Variants in MAP3K6 observed in about 807,000 individuals in gnomAD.
MAP3K6 encodes the protein apoptosis signal-regulating kinase 2.
A neutral mutation model predicts 147.1 loss-of-function variants in MAP3K6; 105 were observed. The ratio of observed to expected loss-of-function variants is 0.71; its 90% confidence interval spans 0.61 to 0.84. The LOEUF (loss-of-function observed/expected upper bound fraction) is 0.84. MAP3K6 is among the 40% of genes least tolerant of loss of function. The pLI is 0.00. For missense variants in MAP3K6, 1,569 were observed against 1,715.0 expected, an observed-to-expected ratio of 0.91 and a Z score of 1.50; for synonymous variants, 695 against 732.4, an observed-to-expected ratio of 0.95 and a Z score of 0.82.
At position 27,355,907 on chromosome 1, in the gene MAP3K6, G is replaced by A. The variant is rs907659533; in HGVS notation, c.3711+119C>T. On this transcript the variant is annotated intron_variant, in intron 27 of 28. Coordinates refer to ENST00000357582, the MANE Select transcript of MAP3K6 (RefSeq NM_004672.5). ...CCATACAATGGGACGAGAATACTAA[G>A]TGTTCTTCTGGTAGTGAGATTCTCT... 9 of 1,139,662 alleles carry A rather than the reference G, an allele frequency of 7.9e-6. No homozygotes were observed. The Admixed American group carries it at 1.2e-4, about 15-fold the overall frequency. The allele number at this position is 1,139,662 out of a possible 1,614,324, so 70.6% of individuals were successfully genotyped here.
intron 28 of MAP3K6, 25 bp downstream of exon 28, chr1:27,355,644 C>G (rs1341003245): frequency 4.3e-6 from 7 of 1,612,632 alleles, no homozygotes; most frequent in Non-Finnish European, 5.9e-6. Flanking sequence ...ATGCATGGTT[C>G]ACACTTGGGG....
chr1:27,355,359 C>G lies in MAP3K6; in HGVS notation c.*32G>C, dbSNP rs773239731. 6.3e-7 allele frequency: 1 copy of G among 1,586,050 alleles called. No homozygotes were observed. Among genetic ancestry groups the G allele is most frequent in the East Asian group, 2.2e-5 (1 of 44,746 alleles). On this transcript the variant is annotated 3_prime_UTR_variant, in exon 29 of 29. Transcript: ENST00000357582. ...TCCTCTCCATTCATCCATCCTTGGG[C>G]CTGTCTGGCCTATGATGCCCTCATT... is the stretch of plus-strand genomic sequence containing the variant.
chr1:27,359,091 C>A lies in MAP3K6; in HGVS notation c.2426-225G>T, dbSNP rs1303163011. 6.6e-6 allele frequency among the ~76,000 whole-genome samples: 1 copy of A among 152,190 alleles called. No homozygotes were observed. Among genetic ancestry groups the A allele is most frequent in the Non-Finnish European group, 1.5e-5 (1 of 68,026 alleles). The stretch of plus-strand genomic sequence containing the variant: ...CCGTCATTCATCCTGGGCTCCACCA[C>A]ATTCACAGACTCCATCACCCACAGT... On this transcript the variant is annotated intron_variant, in intron 18 of 28. Coordinates refer to ENST00000357582, the MANE Select transcript of MAP3K6 (RefSeq NM_004672.5). This position sits in a 1 kb window ranked among gnomAD's most constrained non-coding sequence, Gnocchi z 4.4.
At position 27,359,919 on chromosome 1, in the gene MAP3K6, C is replaced by T. The variant is rs1226535427; in HGVS notation, c.2258G>A (p.Arg753His). 1 of 1,614,138 alleles carries T rather than the reference C, an allele frequency of 6.2e-7. No homozygotes were observed. Among genetic ancestry groups the T allele is most frequent in the Non-Finnish European group, 8.5e-7 (1 of 1,180,010 alleles). The part of the protein sequence containing the change: ...DNESTISFYT[R>H]QILQGLGYLH... ...GTAGCCAAGTCCCTGCAGGATCTGG[C>T]GGGTGTAGAAACTGATGGTGCTCTC... The change falls in exon 17 of 29, where the codon CGC (arginine) becomes CAC (histidine). Residue 753 changes from arginine (R) to histidine (H), a missense_variant. By Grantham distance (29) the Arg-to-His change is conservative. Coordinates refer to ENST00000357582, the MANE Select transcript of MAP3K6 (RefSeq NM_004672.5). The surrounding 1 kb of genome is among the most constrained non-coding windows in gnomAD (Gnocchi z 4.4).
At position 27,360,014 on chromosome 1, in the gene MAP3K6, G is replaced by A; in HGVS notation, c.2183-20C>T. ...GGCTGCCTGGGTGGGGACAGTCCAA[G>A]TTCATTCTTCCCACCCACTGGCTCC... On this transcript the variant is annotated intron_variant, in intron 16 of 28. Transcript: ENST00000357582. This position sits in a 1 kb window ranked among gnomAD's most constrained non-coding sequence, Gnocchi z 4.5. 2.5e-6 allele frequency: 4 copies of A among 1,613,380 alleles called. No individual in the cohort carries two copies. The highest frequency in any genetic ancestry group is 2.5e-6 in the Non-Finnish European group (3 of 1,179,662).
intron 1 of MAP3K6, among the ~76,000 whole-genome samples, chr1:27,365,898 C>T (rs113218455): frequency 1.3e-5 from 2 of 151,726 alleles, no homozygotes; most frequent in African/African-American, 4.8e-5. Flanking sequence ...GTTCTCCAAC[C>T]CCACCCCTGA....
intron 26 of MAP3K6, 87 bp downstream of exon 26, chr1:27,356,301 C>T: frequency 7.6e-7 from 1 of 1,319,276 alleles, no homozygotes; most frequent in Non-Finnish European, 1.0e-6. Flanking sequence ...GGTGATGAGC[C>T]CAAGTCAGGT....
rs753439562 is a variant in MAP3K6 at position 27,361,014 on chromosome 1, G to A, written c.1833-6C>T. On this transcript the variant is annotated splice_region_variant and splice_polypyrimidine_tract_variant and intron_variant, in intron 13 of 28. Transcript: ENST00000357582. ...CCTGGATCAGGCCGCAGAACCTGAAGGTGGGGGAGGTCAGACCCGCGGGAG... is the reference window on the plus strand; with the variant it reads ...CCTGGATCAGGCCGCAGAACCTGAAAGTGGGGGAGGTCAGACCCGCGGGAG... 45 of 1,581,738 alleles carry A rather than the reference G, an allele frequency of 2.8e-5. No individual in the cohort carries two copies. The highest frequency in any genetic ancestry group is 3.8e-5 in the Non-Finnish European group (44 of 1,163,150).
In MAP3K6 at chr1:27,366,200, G is replaced by A. The variant is rs1454122215; in HGVS notation, c.340+58C>T. 7.9e-7 allele frequency: 1 copy of A among 1,261,726 alleles called. No homozygotes were observed. The highest frequency in any genetic ancestry group is 1.6e-5 in the African/African-American group (1 of 64,118). The allele number at this position is 1,261,726 out of a possible 1,614,324, so 78.2% of individuals were successfully genotyped here. A position where few individuals can be genotyped will look rare whatever the true frequency, so the allele number is the denominator to read the frequency against. ...CCCTTGAGCCTTCGAGCCCGGCTTGGTCCCCTCCCAGGACCCTGAGTCCCG... is the reference window on the plus strand; with the variant it reads ...CCCTTGAGCCTTCGAGCCCGGCTTGATCCCCTCCCAGGACCCTGAGTCCCG... On this transcript the variant is annotated intron_variant, in intron 1 of 28. Coordinates refer to ENST00000357582, the MANE Select transcript of MAP3K6 (RefSeq NM_004672.5). This position sits in a 1 kb window ranked among gnomAD's most constrained non-coding sequence, Gnocchi z 5.5.
Position 27,360,667 on chromosome 1 carries a change from C to G in MAP3K6, c.2054+38G>C, listed in dbSNP as rs1252688077. The G allele has an allele frequency of 1.9e-6, 3 of 1,589,234 alleles. No homozygotes were observed. The Admixed American group carries it at 5.2e-5, about 27-fold the overall frequency. ...CGTGGCCCGGCTCACTCGGCCCTCGCGAGCCCTCAGCCCCACCCGCGCTGC... is the reference window on the plus strand; with the variant it reads ...CGTGGCCCGGCTCACTCGGCCCTCGGGAGCCCTCAGCCCCACCCGCGCTGC... On this transcript the variant is annotated intron_variant, in intron 15 of 28. Transcript: ENST00000357582. This position sits in a 1 kb window ranked among gnomAD's most constrained non-coding sequence, Gnocchi z 4.5.
rs367690350 is a variant in MAP3K6, at chr1:27,355,207, G to C, written c.*184C>G. On this transcript the variant is annotated 3_prime_UTR_variant, in exon 29 of 29. Coordinates refer to ENST00000357582, the MANE Select transcript of MAP3K6 (RefSeq NM_004672.5). ...GGTTCAAAAGTGTTCTGTTTAATACGCTTTGTCTGGTAGTGCTTGGGTGCC... is the reference window on the plus strand; with the variant it reads ...GGTTCAAAAGTGTTCTGTTTAATACCCTTTGTCTGGTAGTGCTTGGGTGCC... The C allele has an allele frequency of 2.9e-6, 2 of 695,860 alleles. No homozygotes were observed. The highest frequency in any genetic ancestry group is 5.3e-6 in the Non-Finnish European group (2 of 377,718). The allele number at this position is 695,860 out of a possible 1,614,324, so 43.1% of individuals were successfully genotyped here.
At position 27,360,168 on chromosome 1, in the gene MAP3K6, C is replaced by A; in HGVS notation, c.2182+73G>T. 6.3e-7 allele frequency: 1 copy of A among 1,595,956 alleles called. No individual in the cohort carries two copies. The highest frequency in any genetic ancestry group is 8.6e-7 in the Non-Finnish European group (1 of 1,169,226). On this transcript the variant is annotated intron_variant, in intron 16 of 28. Transcript: ENST00000357582. The surrounding 1 kb of genome is among the most constrained non-coding windows in gnomAD (Gnocchi z 4.5). Reference sequence around the variant, plus strand: ...CACTAGGGTGCATTTCCCCCTAGGGCTCTCTACCCCTGCCTGCCTCGGTCC... The same window carrying A: ...CACTAGGGTGCATTTCCCCCTAGGGATCTCTACCCCTGCCTGCCTCGGTCC...
At position 27,363,034 on chromosome 1, in the gene MAP3K6, TG is replaced by T. The variant is rs753947490; in HGVS notation, c.972-14del. 1 of 1,610,688 alleles carries T rather than the reference TG, an allele frequency of 6.2e-7. No individual in the cohort carries two copies. Among genetic ancestry groups the T allele is most frequent in the South Asian group, 1.1e-5 (1 of 90,758 alleles). On this transcript the variant is annotated splice_polypyrimidine_tract_variant and intron_variant, in intron 6 of 28. Transcript: ENST00000357582. ...AGGCCTGTTCCTCCTAGGGAAAAGA[TG>T]GGCTCAGGCCCTCCCTGATGGCCCT...
Position 27,355,301 on chromosome 1 carries a change from G to A in MAP3K6, c.*90C>T, listed in dbSNP as rs74645064. ...GCCTGGCTTCCTCCAGTCGCCCCAG[G>A]TCCTGGGGCTGGTGTGTCAGAAGCT... On this transcript the variant is annotated 3_prime_UTR_variant, in exon 29 of 29. Coordinates refer to ENST00000357582, the MANE Select transcript of MAP3K6 (RefSeq NM_004672.5). The A allele has an allele frequency of 2.7e-3, 3,417 of 1,270,408 alleles. 87 individuals carry two copies. In the African/African-American group the frequency reaches 0.043, roughly 16 times the overall value. The allele number at this position is 1,270,408 out of a possible 1,614,324, so 78.7% of individuals were successfully genotyped here. A position where few individuals can be genotyped will look rare whatever the true frequency, so the allele number is the denominator to read the frequency against.
Position 27,358,785 on chromosome 1 carries a change from C to T in MAP3K6, c.2507G>A (p.Gly836Asp). 2 of 1,613,712 alleles carry T rather than the reference C, an allele frequency of 1.2e-6. No individual in the cohort carries two copies. The highest frequency in any genetic ancestry group is 8.5e-7 in the Non-Finnish European group (1 of 1,179,848). The change falls in exon 19 of 29, where the codon GGC becomes GAC. Residue 836 changes from glycine to aspartate, a missense_variant. Physicochemically the swap from Gly to Asp is moderately conservative, Grantham distance 94. Coordinates refer to ENST00000357582, the MANE Select transcript of MAP3K6 (RefSeq NM_004672.5). The surrounding 1 kb of genome is among the most constrained non-coding windows in gnomAD (Gnocchi z 6.2). ...YGKAADIWSL[G>D]CTVIEMATGR... ...TGTGGCCATCTCAATGACAGTGCAG[C>T]CCAGTGACCAGATGTCAGCTGCTTT...
Position 27,364,637 on chromosome 1 carries a change from G to C in MAP3K6, c.504+24C>G. 1 of 1,614,166 alleles carries C rather than the reference G, an allele frequency of 6.2e-7. No individual in the cohort carries two copies. The highest frequency in any genetic ancestry group is 8.5e-7 in the Non-Finnish European group (1 of 1,180,014). On this transcript the variant is annotated intron_variant, in intron 3 of 28. Coordinates refer to ENST00000357582, the MANE Select transcript of MAP3K6 (RefSeq NM_004672.5). This position sits in a 1 kb window ranked among gnomAD's most constrained non-coding sequence, Gnocchi z 4.4. ...ATAGCGGAAGTCAAAGGGCACTTTTGAGTGAGAGGTGGATTCTGCTCACCG... is the reference window on the plus strand; with the variant it reads ...ATAGCGGAAGTCAAAGGGCACTTTTCAGTGAGAGGTGGATTCTGCTCACCG...
chr1:27,366,616 G>C lies in MAP3K6; in HGVS notation c.-19C>G, dbSNP rs1208948486. On this transcript the variant is annotated 5_prime_UTR_variant, in exon 1 of 29. Transcript: ENST00000357582. This position sits in a 1 kb window ranked among gnomAD's most constrained non-coding sequence, Gnocchi z 5.5. ...CCGCCATGCGGGGGCGCTCAGGCGC[G>C]GGGCGCCGCGCACTGGGAACCGGGG... 4 of 1,077,294 alleles carry C rather than the reference G, an allele frequency of 3.7e-6. No homozygotes were observed. Among genetic ancestry groups the C allele is most frequent in the Non-Finnish European group, 3.4e-6 (3 of 889,718 alleles). 66.7% of individuals were successfully genotyped at this position (1,077,294 alleles called of 1,614,324 possible). A position where few individuals can be genotyped will look rare whatever the true frequency, so the allele number is the denominator to read the frequency against.
rs374817000 is a variant in MAP3K6 at position 27,358,567 on chromosome 1, C to T, written c.2628G>A (p.Ser876=). 2.3e-5 allele frequency: 37 copies of T among 1,613,194 alleles called. No homozygotes were observed. Among genetic ancestry groups the T allele is most frequent in the East Asian group, 2.0e-4 (9 of 44,876 alleles). The change falls in exon 20 of 29, where the codon TCG becomes TCA. Residue 876 remains serine (S), a synonymous_variant. Coordinates refer to ENST00000357582, the MANE Select transcript of MAP3K6 (RefSeq NM_004672.5). The surrounding 1 kb of genome is among the most constrained non-coding windows in gnomAD (Gnocchi z 6.2). ...GGAGGAGAAAGGCTTGGGCCTCGGC[C>T]GACAGAGAGCTGGGCATTGGCGGAT... is the stretch of plus-strand genomic sequence containing the variant. ...KVHPPMPSSL[S]AEAQAFLLRT...
Position 27,361,464 on chromosome 1 carries a change from G to T in MAP3K6, c.1686+56C>A, listed in dbSNP as rs2015767565. The T allele has an allele frequency of 7.5e-6, 12 of 1,610,260 alleles. No homozygotes were observed. The South Asian group carries it at 1.1e-4, about 15-fold the overall frequency. On this transcript the variant is annotated intron_variant, in intron 11 of 28. Transcript: ENST00000357582. Reference sequence around the variant, plus strand: ...AGAGGGGTCTGAGGATGGGAGAAAGGCTCCACAGAAAAGGTCCTAGCAAAG... The same window carrying T: ...AGAGGGGTCTGAGGATGGGAGAAAGTCTCCACAGAAAAGGTCCTAGCAAAG...
Sources: gnomAD v4.1 joint callset for allele counts (sites outside exome capture counted in the v4.1 genomes callset) on GRCh38, gnomAD v4.1.1 for gene constraint, Gnocchi (gnomAD v3.1) non-coding constraint, MANE v1.5 for transcripts, NCBI Gene and HGNC (gene_info 2026-07-23, HGNC 2026-07-21) for gene names.